NAP1L1: variants seen among roughly 807,000 people sequenced by gnomAD.
NAP1L1 encodes nucleosome assembly protein 1-like 1.
A neutral mutation model predicts 58.9 loss-of-function variants in NAP1L1; 9 were observed. That is an observed-to-expected ratio of 0.15 (90% CI 0.09 to 0.27). The LOEUF (loss-of-function observed/expected upper bound fraction) is 0.27. Among genes scored for constraint, NAP1L1 ranks in the 10% least tolerant of loss-of-function variants. The probability of loss-of-function intolerance (pLI) is 1.00; values close to 1 mark genes in which losing one functional copy is unlikely to be tolerated. For missense variants in NAP1L1, 302 were observed against 458.8 expected (o/e 0.66, Z 3.12); for synonymous variants, 130 against 138.3 (o/e 0.94, Z 0.42).
intron 1 of NAP1L1, among the ~76,000 whole-genome samples, chr12:76,082,010 T>C (rs1950424638): frequency 6.6e-6 from 1 of 152,210 alleles, no homozygotes; most frequent in African/African-American, 2.4e-5. Flanking sequence ...TACATGTCCA[T>C]ACAGGTGCTA....
At chr12:76,070,181 G>A (rs1028899227) in intron 2 of NAP1L1, among the ~76,000 whole-genome samples, 3 of 151,922 alleles carry the variant, frequency 2.0e-5, no homozygotes, top group Non-Finnish European at 4.4e-5. Context: ...GGAGTGCAAT[G>A]GCACAATCTC....
intron 2 of NAP1L1, among the ~76,000 whole-genome samples, chr12:76,072,723 G>A (rs1379134316): frequency 6.6e-6 from 1 of 152,132 alleles, no homozygotes; most frequent in African/African-American, 2.4e-5. Context: ...TAGTTACAAT[G>A]ACTCTGAACT....
chr12:76,053,054 C>A, intron 11 of NAP1L1, 37 bp downstream of exon 11: 1 of 1,569,380 alleles, frequency 6.4e-7, no homozygotes, highest in South Asian at 1.2e-5. Flanking sequence ...TTCAAATATA[C>A]TTAACAATTC....
chr12:76,077,980 CAAAAAAAAAA>C (rs58558132), intron 1 of NAP1L1, among the ~76,000 whole-genome samples: 1 of 65,964 alleles, frequency 1.5e-5, no homozygotes, highest in African/African-American at 6.3e-5. Context: ...GACCCTGTCT[CAAAAAAAAAA>C]AAAAAAAAAA....
At chr12:76,083,938 C>T (rs1293789199) in intron 1 of NAP1L1, 1 of 152,352 alleles carries the variant, frequency 6.6e-6, no homozygotes, top group Admixed American at 6.5e-5. Context: ...CCCATTACCA[C>T]GTGTGGAGCG....
rs146821224 is a variant in NAP1L1 at position 76,082,051 on chromosome 12, C to CAAGT, written c.-21+2515_-21+2516insACTT. Among the ~76,000 whole-genome samples, 1,478 of 152,228 alleles carry CAAGT rather than the reference C, an allele frequency of 9.7e-3. 21 individuals carry two copies. Among genetic ancestry groups the CAAGT allele is most frequent in the African/African-American group, 0.033 (1,372 of 41,520 alleles). Reference sequence around the variant, plus strand: ...TTACCCAAAGACTAAACTGAGAACACAATTACAGGTTTGATTAAACTTGAA... The same window carrying CAAGT: ...TTACCCAAAGACTAAACTGAGAACACAAGTAATTACAGGTTTGATTAAACTTGAA... On this transcript the variant is annotated intron_variant, in intron 1 of 14. Transcript: ENST00000618691.
At chr12:76,055,661 T>A (rs143653949) in intron 7 of NAP1L1, among the ~76,000 whole-genome samples, 62 of 152,350 alleles carry the variant, frequency 4.1e-4, no homozygotes, top group East Asian at 2.3e-3. Flanking sequence ...AACATCTTTA[T>A]GGTATTCTTT....
chr12:76,040,845 G>GGGATT lies in NAP1L1; in HGVS notation c.*7583_*7584insAATCC, dbSNP rs1565705534. On this transcript the variant is annotated 3_prime_UTR_variant, in exon 15 of 15. Coordinates refer to ENST00000618691, the MANE Select transcript of NAP1L1 (RefSeq NM_004537.7). ...CCCAAAGTGTTGGGATTACAGGCAT[G>GGGATT]AGCCACCACACCTGGCCATAATATA... 1 of 152,262 alleles carries GGGATT rather than the reference G, an allele frequency of 6.6e-6. No individual in the cohort carries two copies. The highest frequency in any genetic ancestry group is 1.5e-5 in the Non-Finnish European group (1 of 68,094). The allele number at this position is 152,262 out of a possible 1,614,324, so 9.4% of individuals were successfully genotyped here.
intron 4 of NAP1L1, among the ~76,000 whole-genome samples, chr12:76,063,564 C>T (rs1482009164): frequency 1.3e-5 from 2 of 152,124 alleles, no homozygotes; most frequent in Non-Finnish European, 2.9e-5. Context: ...CTGGGGAGCC[C>T]AGGCAGGTGA....
rs1948530647 is a variant in NAP1L1, at chr12:76,039,503, A to C, written c.*8926T>G. On this transcript the variant is annotated 3_prime_UTR_variant, in exon 15 of 15. Coordinates refer to ENST00000618691, the MANE Select transcript of NAP1L1 (RefSeq NM_004537.7). ...GGCTGTGTTATACAACATTATAATA[A>C]ATACAAACTCTTCAGGGCAGGGGAG... The C allele has an allele frequency of 6.6e-6, 1 of 152,356 alleles. No individual in the cohort carries two copies. Among genetic ancestry groups the C allele is most frequent in the South Asian group, 2.1e-4 (1 of 4,832 alleles). 9.4% of individuals were successfully genotyped at this position (152,356 alleles called of 1,614,324 possible).
rs1383499944 is a variant in NAP1L1, at chr12:76,043,548, C to T, written c.*4881G>A. 6.6e-6 allele frequency: 1 copy of T among 150,734 alleles called. No homozygotes were observed. The highest frequency in any genetic ancestry group is 1.5e-5 in the Non-Finnish European group (1 of 67,780). 9.3% of individuals were successfully genotyped at this position (150,734 alleles called of 1,614,324 possible). A position where few individuals can be genotyped will look rare whatever the true frequency, so the allele number is the denominator to read the frequency against. On this transcript the variant is annotated 3_prime_UTR_variant, in exon 15 of 15. Transcript: ENST00000618691. ...ATCCTCACTTGAAATACTCTTGTAA[C>T]AGGTGGTTCCAGTGTTTTAAACCCA... is the stretch of plus-strand genomic sequence containing the variant.
intron 1 of NAP1L1, 192 bp from the exon 2 acceptor site, chr12:76,074,431 T>TA: frequency 1.1e-6 from 1 of 891,288 alleles, no homozygotes. Flanking sequence ...GTACCAAAAA[T>TA]AATTTTTCAG....
At chr12:76,076,754 GA>G (rs1188936030) in intron 1 of NAP1L1, among the ~76,000 whole-genome samples, 3 of 151,922 alleles carry the variant, frequency 2.0e-5, no homozygotes, top group South Asian at 4.2e-4. Context: ...TATGTTCTGA[GA>G]AATGTGTCTC....
At chr12:76,062,429 A>T (rs943999061) in intron 4 of NAP1L1, among the ~76,000 whole-genome samples, 2 of 152,196 alleles carry the variant, frequency 1.3e-5, no homozygotes, top group Non-Finnish European at 2.9e-5. Context: ...GAGCTCAGAG[A>T]ATAACTAGAA....
At chr12:76,049,104 TA>T in intron 14 of NAP1L1, 95 bp downstream of exon 14, 1 of 1,247,106 alleles carries the variant, frequency 8.0e-7, no homozygotes, top group South Asian at 1.2e-5. Context: ...CTTTATTTAT[TA>T]AAGACTTTAA....
chr12:76,077,980 CAAAA>C (rs58558132), intron 1 of NAP1L1, among the ~76,000 whole-genome samples: 4 of 65,960 alleles, frequency 6.1e-5, no homozygotes, highest in African/African-American at 1.9e-4. Flanking sequence ...GACCCTGTCT[CAAAA>C]AAAAAAAAAA....
At chr12:76,074,133 A>G in intron 2 of NAP1L1, 70 bp downstream of exon 2, 3 of 1,236,116 alleles carry the variant, frequency 2.4e-6, no homozygotes, top group Non-Finnish European at 3.6e-6. Flanking sequence ...AATTCATACT[A>G]CTTGCTGTTA....
intron 4 of NAP1L1, among the ~76,000 whole-genome samples, chr12:76,063,516 G>A (rs887952275): frequency 6.6e-6 from 1 of 152,180 alleles, no homozygotes; most frequent in Non-Finnish European, 1.5e-5. Flanking sequence ...CAAACATTGA[G>A]GCCGAGTGTG....
intron 11 of NAP1L1, 77 bp from the exon 12 acceptor site, chr12:76,050,730 G>A (rs4831914): frequency 0.61 from 903,779 of 1,479,896 alleles, 283,400 homozygotes; most frequent in East Asian, 0.97. Context: ...AAGACTCTTA[G>A]AGGCTGGGTG....
Sources: allele counts gnomAD v4.1 joint callset (sites outside exome capture counted in the v4.1 genomes callset), GRCh38; gene constraint gnomAD v4.1.1; transcripts MANE v1.5; gene names NCBI Gene and HGNC (gene_info 2026-07-23, HGNC 2026-07-21).